GRIN2A: variants seen among roughly 807,000 people sequenced by gnomAD.
GRIN2A encodes glutamate ionotropic receptor NMDA type subunit 2A, also known as glutamate receptor ionotropic, NMDA 2A.
GRIN2A carries 22 observed loss-of-function variants against 113.4 expected under a neutral mutation model. The observed-to-expected ratio is 0.19, with a 90% CI of 0.14 to 0.28. GRIN2A has a LOEUF of 0.28. Among genes scored for constraint, GRIN2A ranks in the 10% least tolerant of loss-of-function variants. The probability of loss-of-function intolerance (pLI) is 1.00; values close to 1 mark genes in which losing one functional copy is unlikely to be tolerated. For synonymous variants in GRIN2A, 827 were observed against 738.4 expected (o/e 1.12, Z -1.94); for missense variants, 1,502 against 1,887.0 (o/e 0.80, Z 3.78).
intron 2 of GRIN2A, among the ~76,000 whole-genome samples, chr16:9,938,766 G>A (rs2044782999): frequency 6.6e-6 from 1 of 152,156 alleles, no homozygotes; most frequent in African/African-American, 2.4e-5. Flanking sequence ...GGTCCTGGAA[G>A]GATGTCTGTA....
intron 2 of GRIN2A, among the ~76,000 whole-genome samples, chr16:10,123,121 G>C (rs371511296): frequency 6.6e-6 from 1 of 152,162 alleles, no homozygotes; most frequent in African/African-American, 2.4e-5. Flanking sequence ...AGATGGGGCC[G>C]ATCTCTCTTG....
intron 2 of GRIN2A, among the ~76,000 whole-genome samples, chr16:10,089,126 G>C (rs1407706494): frequency 6.6e-6 from 1 of 152,176 alleles, no homozygotes; most frequent in Non-Finnish European, 1.5e-5. Flanking sequence ...CTGGCACAAA[G>C]TAAGTGCTCG....
chr16:9,784,544 T>G (rs1188968836), intron 11 of GRIN2A, among the ~76,000 whole-genome samples: 1 of 150,998 alleles, frequency 6.6e-6, no homozygotes, highest in Non-Finnish European at 1.5e-5. Flanking sequence ...GGACTTCATG[T>G]CTAAAACACC....
At chr16:10,067,240 A>G (rs568944697) in intron 2 of GRIN2A, among the ~76,000 whole-genome samples, 1 of 152,120 alleles carries the variant, frequency 6.6e-6, no homozygotes, top group Non-Finnish European at 1.5e-5. Flanking sequence ...TCCACAAAAC[A>G]GCAGGAAATA....
intron 11 of GRIN2A, among the ~76,000 whole-genome samples, chr16:9,794,908 A>G (rs961464142): frequency 7.8e-6 from 1 of 127,648 alleles, no homozygotes; most frequent in East Asian, 2.1e-4. Context: ...ACGGGCAACT[A>G]TGGTGATGAT....
chr16:9,850,693 G>A (rs1214139119), intron 4 of GRIN2A, among the ~76,000 whole-genome samples: 1 of 152,098 alleles, frequency 6.6e-6, no homozygotes, highest in African/African-American at 2.4e-5. Context: ...TATTTAAGTT[G>A]CAAATTAAGG....
chr16:10,008,428 T>C (rs548589968), intron 2 of GRIN2A, among the ~76,000 whole-genome samples: 212 of 152,338 alleles, frequency 1.4e-3, no homozygotes, highest in African/African-American at 4.6e-3. Flanking sequence ...CAGCGTGCAG[T>C]CACTCCCCTA....
intron 2 of GRIN2A, among the ~76,000 whole-genome samples, chr16:9,987,649 T>C (rs2046004212): frequency 6.6e-6 from 1 of 152,228 alleles, no homozygotes; most frequent in African/African-American, 2.4e-5. Context: ...ATTCTGTATA[T>C]TTGGCTTAAA....
At chr16:10,134,180 G>A (rs1383559134) in intron 2 of GRIN2A, among the ~76,000 whole-genome samples, 1 of 140,540 alleles carries the variant, frequency 7.1e-6, no homozygotes, top group Non-Finnish European at 1.5e-5. Flanking sequence ...CCTTCAGGGT[G>A]AGACACTGTT....
chr16:10,054,546 A>C (rs1027379719), intron 2 of GRIN2A, among the ~76,000 whole-genome samples: 4 of 152,254 alleles, frequency 2.6e-5, no homozygotes, highest in Non-Finnish European at 5.9e-5. Context: ...ACTTACAGGC[A>C]TATATCATTA....
At chr16:9,897,157 G>A (rs919531655) in intron 3 of GRIN2A, among the ~76,000 whole-genome samples, 5 of 146,278 alleles carry the variant, frequency 3.4e-5, no homozygotes, top group African/African-American at 1.3e-4. Flanking sequence ...GTGCTAAGTT[G>A]TTTTTTATTG....
chr16:9,804,168 C>G (rs893166722), intron 10 of GRIN2A, among the ~76,000 whole-genome samples: 3 of 152,148 alleles, frequency 2.0e-5, no homozygotes, highest in African/African-American at 7.2e-5. Flanking sequence ...AAAAGGCCAC[C>G]TGAAACGGAA....
chr16:10,044,022 T>TATATAG (rs531659457), intron 2 of GRIN2A, among the ~76,000 whole-genome samples: 2,673 of 107,636 alleles, frequency 0.025, 48 homozygotes, highest in South Asian at 0.046. Flanking sequence ...TATATATATA[T>TATATAG]AGAGAGAGAG....
At chr16:10,095,491 G>A (rs1307884031) in intron 2 of GRIN2A, among the ~76,000 whole-genome samples, 2 of 152,156 alleles carry the variant, frequency 1.3e-5, no homozygotes, top group African/African-American at 2.4e-5. Flanking sequence ...CTTCCTTATA[G>A]CAGAACACTA....
chr16:10,036,437 C>CTTTTTTT (rs1360199200), intron 2 of GRIN2A, among the ~76,000 whole-genome samples: 11 of 92,656 alleles, frequency 1.2e-4, no homozygotes, highest in Non-Finnish European at 1.6e-4. Flanking sequence ...TTAGTACTTA[C>CTTTTTTT]TTTTTTTTTT....
chr16:10,179,893 C>CCCCAAACAAAAAAA, intron 2 of GRIN2A, 105 bp downstream of exon 2: 8 of 719,814 alleles, frequency 1.1e-5, no homozygotes, highest in East Asian at 3.6e-5. Context: ...CCCCCACCCC[C>CCCCAAACAAAAAAA]ACTTCACATC....
chr16:9,864,689 G>A (rs953250239), intron 4 of GRIN2A, among the ~76,000 whole-genome samples: 2 of 152,122 alleles, frequency 1.3e-5, no homozygotes, highest in Non-Finnish European at 2.9e-5. Context: ...TGTCTGCAGA[G>A]TTTTGCAATA....
intron 5 of GRIN2A, among the ~76,000 whole-genome samples, chr16:9,842,280 A>C (rs1259027494): frequency 6.6e-6 from 1 of 152,166 alleles, no homozygotes; most frequent in Non-Finnish European, 1.5e-5. Flanking sequence ...GAAAAGAAAG[A>C]AAGGAAACAC....
chr16:10,009,013 C>T (rs2046454551), intron 2 of GRIN2A, among the ~76,000 whole-genome samples: 1 of 152,198 alleles, frequency 6.6e-6, no homozygotes, highest in African/African-American at 2.4e-5. Context: ...TGGAGAGAGA[C>T]AGGCAATACA....
Sources: gnomAD v4.1 joint callset for allele counts (sites outside exome capture counted in the v4.1 genomes callset) on GRCh38, gnomAD v4.1.1 for gene constraint, MANE v1.5 for transcripts, NCBI Gene and HGNC (gene_info 2026-07-23, HGNC 2026-07-21) for gene names.